GALNT17: variants seen among roughly 807,000 people sequenced by gnomAD.
GALNT17 encodes UDP-GalNAc:polypeptide N-acetylgalactosaminyltransferase-like 3.
GALNT17 carries 29 observed loss-of-function variants against 63.7 expected under a neutral mutation model. The ratio of observed to expected loss-of-function variants is 0.46; its 90% CI spans 0.34 to 0.62. The LOEUF (loss-of-function observed/expected upper bound fraction) is 0.62, where lower values mean the gene tolerates loss of function less well. Ranked by LOEUF, GALNT17 falls within the 20% of genes least tolerant of loss-of-function variation. The probability of loss-of-function intolerance (pLI) is 0.01; values close to 1 mark genes in which losing one functional copy is unlikely to be tolerated. For synonymous variants in GALNT17, 305 were observed against 318.3 expected, an observed-to-expected ratio of 0.96 and a Z score of 0.45; for missense variants, 603 against 799.6, an observed-to-expected ratio of 0.75 and a Z score of 2.97.
intron 6 of GALNT17, among the ~76,000 whole-genome samples, chr7:71,649,528 TGAA>T (rs748709129): frequency 6.6e-6 from 1 of 151,810 alleles, no homozygotes. Flanking sequence ...GACAGGAAGA[TGAA>T]GAAACTGTAT....
chr7:71,666,392 G>A (rs1355310946), intron 7 of GALNT17, among the ~76,000 whole-genome samples: 1 of 149,448 alleles, frequency 6.7e-6, no homozygotes, highest in Non-Finnish European at 1.5e-5. Flanking sequence ...TTTTATGGCA[G>A]CACAAAATTT....
intron 5 of GALNT17, among the ~76,000 whole-genome samples, chr7:71,519,588 C>T (rs145818290): frequency 4.6e-5 from 7 of 152,262 alleles, no homozygotes; most frequent in South Asian, 4.1e-4. Flanking sequence ...CTCACCCTCC[C>T]GAGTAGCTGA....
chr7:71,190,830 C>T (rs1213740088), intron 1 of GALNT17, among the ~76,000 whole-genome samples: 3 of 151,854 alleles, frequency 2.0e-5, no homozygotes, highest in Non-Finnish European at 4.4e-5. Context: ...CAGGGTTCAC[C>T]GTGTTGCCCA....
At chr7:71,405,105 AG>A (rs1376622963) in intron 3 of GALNT17, among the ~76,000 whole-genome samples, 4 of 152,238 alleles carry the variant, frequency 2.6e-5, no homozygotes, top group Non-Finnish European at 5.9e-5. Context: ...GTCTGTAATC[AG>A]AAGTGTGGGT....
intron 1 of GALNT17, among the ~76,000 whole-genome samples, chr7:71,186,983 C>T (rs1266352766): frequency 6.6e-6 from 1 of 152,150 alleles, no homozygotes; most frequent in African/African-American, 2.4e-5. Flanking sequence ...TCCCAGGTCC[C>T]TTTTCCTGTT....
At chr7:71,411,213 TG>T (rs1039373988) in intron 3 of GALNT17, among the ~76,000 whole-genome samples, 15 of 151,930 alleles carry the variant, frequency 9.9e-5, no homozygotes, top group African/African-American at 3.4e-4. Flanking sequence ...CCCTGCCCCC[TG>T]GGTTCAAGCG....
At position 71,435,368 on chromosome 7, in the gene GALNT17, C is replaced by T. The variant is rs138578409; in HGVS notation, c.962+14263C>T. On this transcript the variant is annotated intron_variant, in intron 5 of 10. Coordinates refer to ENST00000333538, the MANE Select transcript of GALNT17 (RefSeq NM_022479.3). The stretch of plus-strand genomic sequence containing the variant: ...TAGTTTAAAACAAAGATGATAACAG[C>T]CCTTTCCCAAAACAAACCTCCTCTT... 3.9e-3 allele frequency among the ~76,000 whole-genome samples: 597 copies of T among 152,262 alleles called. 3 individuals carry two copies. Among genetic ancestry groups the T allele is most frequent in the African/African-American group, 0.013 (558 of 41,554 alleles).
chr7:71,362,847 G>A (rs1016033826), intron 2 of GALNT17, among the ~76,000 whole-genome samples: 1 of 152,168 alleles, frequency 6.6e-6, no homozygotes, highest in Non-Finnish European at 1.5e-5. Context: ...CTGAAAGACC[G>A]TACACGGGTT....
chr7:71,532,557 A>G (rs554322764), intron 5 of GALNT17, among the ~76,000 whole-genome samples: 1 of 152,308 alleles, frequency 6.6e-6, no homozygotes, highest in South Asian at 2.1e-4. Context: ...TTAATTGTCA[A>G]TTACTGCAGT....
intron 1 of GALNT17, among the ~76,000 whole-genome samples, chr7:71,151,270 G>A (rs895743261): frequency 6.6e-6 from 1 of 152,144 alleles, no homozygotes; most frequent in African/African-American, 2.4e-5. Context: ...GAGATGGTTG[G>A]ATTGGATGCC....
rs142264960 is a variant in GALNT17, at chr7:71,598,417, C to T, written c.1080+27015C>T. ...GACAATGGGTCATCAGAGATATAGG[C>T]AATGCACCCATATAGGCATGGATCT... is the stretch of plus-strand genomic sequence containing the variant. On this transcript the variant is annotated intron_variant, in intron 6 of 10. Coordinates refer to ENST00000333538, the MANE Select transcript of GALNT17 (RefSeq NM_022479.3). Among the ~76,000 whole-genome samples the T allele has an allele frequency of 6.6e-5, 10 of 152,304 alleles. No homozygotes were observed. In the East Asian group the frequency reaches 1.9e-3, roughly 29 times the overall value.
chr7:71,225,847 CAAT>C (rs1367417050), intron 1 of GALNT17, among the ~76,000 whole-genome samples: 1 of 151,980 alleles, frequency 6.6e-6, no homozygotes, highest in African/African-American at 2.4e-5. Flanking sequence ...AGCCATTAAA[CAAT>C]GATGTTGATG....
intron 1 of GALNT17, among the ~76,000 whole-genome samples, chr7:71,276,928 G>A (rs1306861779): frequency 6.6e-6 from 1 of 152,148 alleles, no homozygotes; most frequent in Non-Finnish European, 1.5e-5. Context: ...AACCTGGCAG[G>A]CGGAGATTGC....
At chr7:71,543,052 A>C (rs996194837) in intron 5 of GALNT17, among the ~76,000 whole-genome samples, 2 of 151,786 alleles carry the variant, frequency 1.3e-5, no homozygotes, top group African/African-American at 4.8e-5. Flanking sequence ...AAAAAAAAAA[A>C]AGCCCACACA....
chr7:71,321,922 C>CCTTCCTTCCTTCCCCCCCCTCCCT (rs1563001220), intron 1 of GALNT17, among the ~76,000 whole-genome samples: 1 of 28,434 alleles, frequency 3.5e-5, no homozygotes. Context: ...TTCCTTCCTT[C>CCTTCCTTCCTTCCCCCCCCTCCCT]CCCTCCCTCC....
intron 5 of GALNT17, among the ~76,000 whole-genome samples, chr7:71,433,851 GGA>G (rs200997434): frequency 0.02 from 3,069 of 152,328 alleles, 42 homozygotes; most frequent in Non-Finnish European, 0.033. Context: ...TATTGTCAAA[GGA>G]GATTAACATT....
intron 6 of GALNT17, among the ~76,000 whole-genome samples, chr7:71,606,996 G>T (rs561774956): frequency 1.2e-4 from 19 of 152,244 alleles, no homozygotes; most frequent in African/African-American, 4.3e-4. Context: ...CACCTTCTTG[G>T]ATAGATGCCT....
intron 6 of GALNT17, among the ~76,000 whole-genome samples, chr7:71,610,779 A>G (rs917728796): frequency 7.9e-5 from 12 of 152,034 alleles, no homozygotes; most frequent in African/African-American, 2.4e-4. Context: ...TGAGGTCAGG[A>G]GTTCAAGACC....
At chr7:71,548,054 C>A (rs190115697) in intron 5 of GALNT17, among the ~76,000 whole-genome samples, 63 of 151,874 alleles carry the variant, frequency 4.1e-4, no homozygotes, top group African/African-American at 1.5e-3. Context: ...ATGGTGAAAC[C>A]CTGTCTTTAC....
Sources: gnomAD v4.1 joint callset for allele counts (sites outside exome capture counted in the v4.1 genomes callset) on GRCh38, gnomAD v4.1.1 for gene constraint, MANE v1.5 for transcripts, NCBI Gene and HGNC (gene_info 2026-07-23, HGNC 2026-07-21) for gene names.